Variants in EPB42 observed in about 807,000 individuals in gnomAD.
EPB42 encodes the protein protein 4.2.
EPB42 carries 49 observed loss-of-function variants against 76.9 expected under a neutral mutation model. The observed-to-expected ratio is 0.64, with a 90% CI of 0.51 to 0.81. The LOEUF (loss-of-function observed/expected upper bound fraction) is 0.81, where lower values mean the gene tolerates loss of function less well. Among genes scored for constraint, EPB42 ranks in the 30% least tolerant of loss-of-function variants. The pLI is 0.00. For missense variants in EPB42, 731 were observed against 867.6 expected, an observed-to-expected ratio of 0.84 and a Z score of 1.98; for synonymous variants, 310 against 338.4, an observed-to-expected ratio of 0.92 and a Z score of 0.92.
rs375930761 is a variant in EPB42 at position 43,208,539 on chromosome 15, T to C, written c.971+98A>G. 301 of 1,580,462 alleles carry C rather than the reference T, an allele frequency of 1.9e-4. 2 individuals carry two copies. The African/African-American group carries it at 3.6e-3, about 19-fold the overall frequency. The stretch of plus-strand genomic sequence containing the variant: ...AAGGGTCTTGAAAGCCTACTCTCCA[T>C]GCCAGGGCCATGCAGGGGGTGGGGC... On this transcript the variant is annotated intron_variant, in intron 7 of 12. Coordinates refer to ENST00000441366, the MANE Select transcript of EPB42 (RefSeq NM_001114134.2).
Position 43,211,529 on chromosome 15 carries a change from C to G in EPB42, c.436G>C (p.Ala146Pro). Residue 146 changes from alanine (A) to proline (P), a missense_variant, in exon 4 of 13, where the codon GCT becomes CCT. Ala to Pro is a conservative substitution (Grantham distance 27). Coordinates refer to ENST00000441366, the MANE Select transcript of EPB42 (RefSeq NM_001114134.2). ...TGAGCCTCATTCTTCAGGAACACAG[C>G]ATCCTCTGGTGAGAGGTGGGTAGGG... ...LLFNPWNREDAVFLKNEAQRM... is the reference protein window; with the variant it reads ...LLFNPWNREDPVFLKNEAQRM... 1 of 1,611,254 alleles carries G rather than the reference C, an allele frequency of 6.2e-7. No homozygotes were observed. Among genetic ancestry groups the G allele is most frequent in the Non-Finnish European group, 8.5e-7 (1 of 1,177,354 alleles).
Position 43,207,421 on chromosome 15 carries a change from C to T in EPB42, c.1096G>A (p.Val366Met). Residue 366 changes from valine to methionine, a missense_variant, in exon 9 of 13, where the codon GTG (valine) becomes ATG (methionine). By Grantham distance (21) the Val-to-Met change is conservative. Transcript: ENST00000441366. Reference sequence around the variant, plus strand: ...CCCTCCTTGACTGCTCTGACCGGCACCAGATCACAGGACCCCAGGACTGAG... The same window carrying T: ...CCCTCCTTGACTGCTCTGACCGGCATCAGATCACAGGACCCCAGGACTGAG... ...GGGVLGSCDL[V>M]PVRAVKEGTL... The T allele has an allele frequency of 1.2e-6, 2 of 1,613,990 alleles. No homozygotes were observed. Among genetic ancestry groups the T allele is most frequent in the African/African-American group, 1.3e-5 (1 of 75,062 alleles).
intron 8 of EPB42, among the ~76,000 whole-genome samples, 195 bp downstream of exon 8, chr15:43,208,035 G>A (rs759628525): frequency 9.2e-5 from 14 of 152,196 alleles, no homozygotes; most frequent in Admixed American, 2.0e-4. Context: ...CCTTGTAGCC[G>A]GGATAGCAGG....
chr15:43,216,333 T>C lies in EPB42; in HGVS notation c.131A>G (p.Tyr44Cys). Residue 44 changes from tyrosine (Y) to cysteine (C), a missense_variant, in exon 2 of 13, where the codon TAC becomes TGC. Transcript: ENST00000441366. ...AAATGCACGGACTGGAGCGCGGAAG[T>C]ACAGGATGATGGTGAAGGGCTGCCC... ...RRGQPFTIILYFRAPVRAFLP... is the reference protein window; with the variant it reads ...RRGQPFTIILCFRAPVRAFLP... 1.2e-6 allele frequency: 2 copies of C among 1,614,106 alleles called. No individual in the cohort carries two copies. Among genetic ancestry groups the C allele is most frequent in the South Asian group, 2.2e-5 (2 of 91,076 alleles).
At position 43,197,404 on chromosome 15, in the gene EPB42, A is replaced by C; in HGVS notation, c.1974T>G (p.His658Gln). 1.9e-6 allele frequency: 3 copies of C among 1,614,110 alleles called. No individual in the cohort carries two copies. Among genetic ancestry groups the C allele is most frequent in the Non-Finnish European group, 2.5e-6 (3 of 1,180,014 alleles). Residue 658 changes from histidine to glutamine, a missense_variant, in exon 13 of 13, where the codon CAT (histidine) becomes CAG (glutamine). Physicochemically the swap from His to Gln is conservative, Grantham distance 24. Coordinates refer to ENST00000441366, the MANE Select transcript of EPB42 (RefSeq NM_001114134.2). ...MCAKFQFTPT[H>Q]VGLQRLTVEV... Reference sequence around the variant, plus strand: ...CCACAGTGAGTCTCTGGAGCCCCACATGTGTTGGCGTGAACTGGAACTTGG... The same window carrying C: ...CCACAGTGAGTCTCTGGAGCCCCACCTGTGTTGGCGTGAACTGGAACTTGG...
chr15:43,202,924 G>T lies in EPB42; in HGVS notation c.1779+191C>A, dbSNP rs2271964. Among the ~76,000 whole-genome samples, 6,083 of 152,272 alleles carry T rather than the reference G, an allele frequency of 0.04. 376 individuals carry two copies. Among genetic ancestry groups the T allele is most frequent in the African/African-American group, 0.12 (5,069 of 41,528 alleles). ...TTTTAGAAACCTTTACTTAACTAAA[G>T]AAGTTGGAAGATTTAAACCTTAATA... On this transcript the variant is annotated intron_variant, in intron 11 of 12. Transcript: ENST00000441366.
chr15:43,216,515 G>A, intron 1 of EPB42, 62 bp from the exon 2 acceptor site: 2 of 1,564,920 alleles, frequency 1.3e-6, no homozygotes, highest in Non-Finnish European at 1.7e-6. Context: ...AGTACAAGCA[G>A]AGATTCTGGA....
At chr15:43,199,169 C>T (rs2042092278) in intron 12 of EPB42, among the ~76,000 whole-genome samples, 2 of 152,208 alleles carry the variant, frequency 1.3e-5, no homozygotes, top group Admixed American at 1.3e-4. Flanking sequence ...GGGCCGCCAT[C>T]CTCCACACCC....
At chr15:43,220,656 C>CA (rs1017431163) in intron 1 of EPB42, 160 bp downstream of exon 1, 6 of 1,037,942 alleles carry the variant, frequency 5.8e-6, no homozygotes, top group Non-Finnish European at 8.5e-6. Context: ...CACACCCCCC[C>CA]CCCACAGCCA....
At chr15:43,221,131 G>T (rs1370300157), upstream of EPB42, 5 of 426,010 alleles carry the variant, frequency 1.2e-5, no homozygotes, top group Non-Finnish European at 2.2e-5. Flanking sequence ...TGGGGGAGGG[G>T]GTGGGATGGG....
chr15:43,209,081 G>T (rs1399520789), intron 6 of EPB42, among the ~76,000 whole-genome samples, 193 bp downstream of exon 6: 2 of 152,184 alleles, frequency 1.3e-5, no homozygotes, highest in African/African-American at 4.8e-5. Context: ...TTGCAAATGA[G>T]CCCAACTTTG....
In EPB42 at chr15:43,215,298, T is replaced by C. The variant is rs1277363263; in HGVS notation, c.227A>G (p.Gln76Arg). Residue 76 changes from glutamine to arginine, a missense_variant, in exon 3 of 13, where the codon CAA (glutamine) becomes CGA (arginine). Transcript: ENST00000441366. ...GEQPSKINRTQATFPISSLGD... is the reference protein window; with the variant it reads ...GEQPSKINRTRATFPISSLGD... ...CAGACTGGAAATTGGGAATGTGGCT[T>C]GGGTCCTGTTGATCTTGGAAGGCTG... The C allele has an allele frequency of 4.3e-6, 7 of 1,614,222 alleles. No individual in the cohort carries two copies. Among genetic ancestry groups the C allele is most frequent in the Admixed American group, 1.7e-5 (1 of 60,030 alleles).
At chr15:43,210,837 G>A (rs1041441409) in intron 4 of EPB42, among the ~76,000 whole-genome samples, 4 of 152,182 alleles carry the variant, frequency 2.6e-5, no homozygotes, top group South Asian at 2.1e-4. Flanking sequence ...AGGAGCCCAC[G>A]GTTTAGGACT....
Position 43,207,417 on chromosome 15 carries a change from G to A in EPB42, c.1100C>T (p.Pro367Leu), listed in dbSNP as rs1293353100. ...CGTCCCCTCCTTGACTGCTCTGACCGGCACCAGATCACAGGACCCCAGGAC... is the reference window on the plus strand; with the variant it reads ...CGTCCCCTCCTTGACTGCTCTGACCAGCACCAGATCACAGGACCCCAGGAC... ...GGVLGSCDLV[P>L]VRAVKEGTLG... The change falls in exon 9 of 13, where the codon CCG becomes CTG. Residue 367 changes from proline (P) to leucine (L), a missense_variant. By Grantham distance (98) the Pro-to-Leu change is moderately conservative. Transcript: ENST00000441366. 8.7e-6 allele frequency: 14 copies of A among 1,613,820 alleles called. No individual in the cohort carries two copies. The highest frequency in any genetic ancestry group is 1.1e-5 in the South Asian group (1 of 91,074).
Position 43,209,453 on chromosome 15 carries a change from T to A in EPB42, c.655-2A>T. The A allele has an allele frequency of 6.2e-7, 1 of 1,609,066 alleles. No homozygotes were observed. Among genetic ancestry groups the A allele is most frequent in the Non-Finnish European group, 8.5e-7 (1 of 1,177,064 alleles). ...CCTCTGCTCCTTGAGAAAATGCAGC[T>A]GTTTGGGGAAATGTGTGGATGTCAG... is the stretch of plus-strand genomic sequence containing the variant. On this transcript the variant is annotated splice_acceptor_variant, in intron 5 of 12. Coordinates refer to ENST00000441366, the MANE Select transcript of EPB42 (RefSeq NM_001114134.2). LOFTEE classifies it high-confidence loss of function.
At position 43,220,926 on chromosome 15, in the gene EPB42, A is replaced by C; in HGVS notation, c.-101T>G. On this transcript the variant is annotated 5_prime_UTR_variant, in exon 1 of 13. Coordinates refer to ENST00000441366, the MANE Select transcript of EPB42 (RefSeq NM_001114134.2). Reference sequence around the variant, plus strand: ...GGGCTTTCTGTCTTCCAGACAGAAAATATGAAGGCACTTTTGTTGGCTTAA... The same window carrying C: ...GGGCTTTCTGTCTTCCAGACAGAAACTATGAAGGCACTTTTGTTGGCTTAA... The C allele has an allele frequency of 9.1e-7, 1 of 1,093,252 alleles. No homozygotes were observed. The highest frequency in any genetic ancestry group is 1.4e-6 in the Non-Finnish European group (1 of 721,744). The allele number at this position is 1,093,252 out of a possible 1,614,324, so 67.7% of individuals were successfully genotyped here. A position where few individuals can be genotyped will look rare whatever the true frequency, so the allele number is the denominator to read the frequency against.
Position 43,203,136 on chromosome 15 carries a change from A to G in EPB42, c.1758T>C (p.Cys586=). 3 of 1,614,132 alleles carry G rather than the reference A, an allele frequency of 1.9e-6. No individual in the cohort carries two copies. The highest frequency in any genetic ancestry group is 1.1e-5 in the South Asian group (1 of 91,076). ...CTACCTTGATGGCAAGGTGTGGTCT[A>G]CAAATGGCAATGTCTTCCTGAGCAA... ...SCFAQEDIAI[C]RPHLAIKMPE... The change falls in exon 11 of 13, where the codon TGT becomes TGC. Residue 586 remains cysteine (C), a synonymous_variant. Transcript: ENST00000441366.
At position 43,211,549 on chromosome 15, in the gene EPB42, G is replaced by C; in HGVS notation, c.431-15C>G. ...CACAGCATCCTCTGGTGAGAGGTGG[G>C]TAGGGATGAGGGCCTGTGGGGGTCC... On this transcript the variant is annotated splice_polypyrimidine_tract_variant and intron_variant, in intron 3 of 12. Transcript: ENST00000441366. 1.3e-6 allele frequency: 2 copies of C among 1,555,102 alleles called. No homozygotes were observed. The highest frequency in any genetic ancestry group is 1.8e-6 in the Non-Finnish European group (2 of 1,126,360).
At chr15:43,210,777 T>C (rs534723360) in intron 4 of EPB42, among the ~76,000 whole-genome samples, 1 of 152,330 alleles carries the variant, frequency 6.6e-6, no homozygotes, top group South Asian at 2.1e-4. Context: ...CTGACTGTCC[T>C]ACCAGCCCTG....
Sources: gnomAD v4.1 joint callset for allele counts (sites outside exome capture counted in the v4.1 genomes callset) on GRCh38, gnomAD v4.1.1 for gene constraint, MANE v1.5 for transcripts, NCBI Gene and HGNC (gene_info 2026-07-23, HGNC 2026-07-21) for gene names.